KIRREL3: variants seen among roughly 807,000 people sequenced by gnomAD.
KIRREL3 encodes kirre like nephrin family adhesion molecule 3.
A neutral mutation model predicts 89.7 loss-of-function variants in KIRREL3; 36 were observed. The observed-to-expected ratio is 0.40, with a 90% CI of 0.31 to 0.53. KIRREL3 has a LOEUF of 0.53. Ranked by LOEUF, KIRREL3 falls within the 20% of genes least tolerant of loss-of-function variation. The pLI, the probability that KIRREL3 is intolerant of heterozygous loss-of-function variation, is 0.49. For missense variants in KIRREL3, 864 were observed against 1,056.6 expected, an observed-to-expected ratio of 0.82 and a Z score of 2.53; for synonymous variants, 445 against 441.4, an observed-to-expected ratio of 1.01 and a Z score of -0.10.
At position 126,752,931 on chromosome 11, in the gene KIRREL3, G is replaced by A. The variant is rs1012409769; in HGVS notation, c.56-190019C>T. 3.9e-5 allele frequency among the ~76,000 whole-genome samples: 6 copies of A among 152,140 alleles called. No individual in the cohort carries two copies. The highest frequency in any genetic ancestry group is 6.5e-5 in the Admixed American group (1 of 15,270). On this transcript the variant is annotated intron_variant, in intron 1 of 16. Coordinates refer to ENST00000525144, the MANE Select transcript of KIRREL3 (RefSeq NM_032531.4). The surrounding 1 kb of genome is among the most constrained non-coding windows in gnomAD (Gnocchi z 4.8). ...GTGGTAGCAGGCTGCCATGAACCCA[G>A]TTTTCTGAGCTCTTCCAGAATCTCT... is the stretch of plus-strand genomic sequence containing the variant.
rs1188235141 is a variant in KIRREL3, at chr11:126,432,548, AGGT to A, written c.1589-1025_1589-1023del. On this transcript the variant is annotated intron_variant, in intron 13 of 16. Transcript: ENST00000525144. The surrounding 1 kb of genome is among the most constrained non-coding windows in gnomAD (Gnocchi z 6.2). ...GGAGCTGCCCAGCCAGGGTCAATCC[AGGT>A]CTCCTCTCACTGCTCCCACCCCTCC... Among the ~76,000 whole-genome samples the A allele has an allele frequency of 3.9e-5, 6 of 152,068 alleles. No homozygotes were observed. The highest frequency in any genetic ancestry group is 3.9e-4 in the Admixed American group (6 of 15,274).
chr11:126,928,414 G>A (rs987615852), intron 1 of KIRREL3, among the ~76,000 whole-genome samples: 4 of 152,250 alleles, frequency 2.6e-5, no homozygotes, highest in African/African-American at 4.8e-5. Flanking sequence ...AATGGGCAGC[G>A]ATTCCCGGAC....
rs1023816208 is a variant in KIRREL3 at position 126,782,310 on chromosome 11, C to T, written c.55+218145G>A. On this transcript the variant is annotated intron_variant, in intron 1 of 16. Transcript: ENST00000525144. The surrounding 1 kb of genome is among the most constrained non-coding windows in gnomAD (Gnocchi z 4.1). ...AGGAATAATGCTTTGTTGTGCTAAGCTGAGATTTTTTGATGTTTATTTGTT... is the reference window on the plus strand; with the variant it reads ...AGGAATAATGCTTTGTTGTGCTAAGTTGAGATTTTTTGATGTTTATTTGTT... 6.6e-6 allele frequency among the ~76,000 whole-genome samples: 1 copy of T among 152,184 alleles called. No individual in the cohort carries two copies. Among genetic ancestry groups the T allele is most frequent in the Non-Finnish European group, 1.5e-5 (1 of 68,034 alleles).
At position 126,608,350 on chromosome 11, in the gene KIRREL3, T is replaced by C. The variant is rs576216024; in HGVS notation, c.56-45438A>G. On this transcript the variant is annotated intron_variant, in intron 1 of 16. Coordinates refer to ENST00000525144, the MANE Select transcript of KIRREL3 (RefSeq NM_032531.4). The surrounding 1 kb of genome is among the most constrained non-coding windows in gnomAD (Gnocchi z 4.9). ...TGCAGGCCCAACTTCTGACTTCCTG[T>C]GCGGGGGCTCCTCCTCTAGCCCCAG... 8.5e-5 allele frequency among the ~76,000 whole-genome samples: 13 copies of C among 152,314 alleles called. No homozygotes were observed. The South Asian group carries it at 2.5e-3, about 29-fold the overall frequency.
chr11:126,856,555 G>GTATATATATATATATATA (rs36218965), intron 1 of KIRREL3, among the ~76,000 whole-genome samples: 2 of 136,736 alleles, frequency 1.5e-5, no homozygotes, highest in Non-Finnish European at 1.6e-5. Context: ...ATTTTTCTAA[G>GTATATATATATATATATA]TATATATATA....
At chr11:126,425,774 A>T in intron 15 of KIRREL3, 50 bp from the exon 16 acceptor site, 1 of 1,396,684 alleles carries the variant, frequency 7.2e-7, no homozygotes, top group Non-Finnish European at 1.0e-6. Flanking sequence ...CTAAACCTCC[A>T]CTTCCCCCAA....
At position 127,000,665 on chromosome 11, in the gene KIRREL3, G is replaced by A. The variant is rs1950296682; in HGVS notation, c.-156C>T. 1.6e-6 allele frequency: 1 copy of A among 619,944 alleles called. No homozygotes were observed. The highest frequency in any genetic ancestry group is 2.8e-6 in the Non-Finnish European group (1 of 361,638). The allele number at this position is 619,944 out of a possible 1,614,324, so 38.4% of individuals were successfully genotyped here. On this transcript the variant is annotated 5_prime_UTR_variant, in exon 1 of 17. Transcript: ENST00000525144. This position sits in a 1 kb window ranked among gnomAD's most constrained non-coding sequence, Gnocchi z 7.1. ...CCCTCCGGGTGGCTTCGGTCTCTTT[G>A]TGCCTCTGGGTATCTGCAGCCAGCC...
At chr11:126,757,155 C>T (rs570228532) in intron 1 of KIRREL3, among the ~76,000 whole-genome samples, 28 of 152,206 alleles carry the variant, frequency 1.8e-4, no homozygotes, top group Non-Finnish European at 3.5e-4. Context: ...TTCATGGAGA[C>T]TAATGTGGCA....
In KIRREL3 at chr11:126,636,453, G is replaced by A. The variant is rs1033833074; in HGVS notation, c.56-73541C>T. On this transcript the variant is annotated intron_variant, in intron 1 of 16. Transcript: ENST00000525144. The surrounding 1 kb of genome is among the most constrained non-coding windows in gnomAD (Gnocchi z 4.4). The stretch of plus-strand genomic sequence containing the variant: ...TGAGAGTCTGTGATGCCCAAACCTT[G>A]GAATTAACCCTGATAGAAAAAAGGC... Among the ~76,000 whole-genome samples the A allele has an allele frequency of 1.2e-4, 18 of 152,082 alleles. No homozygotes were observed. Among genetic ancestry groups the A allele is most frequent in the Non-Finnish European group, 2.5e-4 (17 of 68,026 alleles).
rs559829517 is a variant in KIRREL3, at chr11:126,687,874, C to T, written c.56-124962G>A. On this transcript the variant is annotated intron_variant, in intron 1 of 16. Coordinates refer to ENST00000525144, the MANE Select transcript of KIRREL3 (RefSeq NM_032531.4). This position sits in a 1 kb window ranked among gnomAD's most constrained non-coding sequence, Gnocchi z 4.6. Reference sequence around the variant, plus strand: ...CCTGTGCAAGGCACAGGCTCCACTGCCAGCGAGGGAGAAAGCCCTCCTAGG... The same window carrying T: ...CCTGTGCAAGGCACAGGCTCCACTGTCAGCGAGGGAGAAAGCCCTCCTAGG... Among the ~76,000 whole-genome samples, 1 of 152,294 alleles carries T rather than the reference C, an allele frequency of 6.6e-6. No homozygotes were observed. The highest frequency in any genetic ancestry group is 2.4e-5 in the African/African-American group (1 of 41,550).
chr11:126,876,462 T>C lies in KIRREL3; in HGVS notation c.55+123993A>G, dbSNP rs1470927218. Among the ~76,000 whole-genome samples the C allele has an allele frequency of 6.6e-6, 1 of 152,026 alleles. No homozygotes were observed. The highest frequency in any genetic ancestry group is 1.5e-5 in the Non-Finnish European group (1 of 68,020). On this transcript the variant is annotated intron_variant, in intron 1 of 16. Coordinates refer to ENST00000525144, the MANE Select transcript of KIRREL3 (RefSeq NM_032531.4). This position sits in a 1 kb window ranked among gnomAD's most constrained non-coding sequence, Gnocchi z 4.1. ...ACATAGCTGGCAAGTGGGGACACACTGTGCTATCCCTGCTCACTGTTGCAC... is the reference window on the plus strand; with the variant it reads ...ACATAGCTGGCAAGTGGGGACACACCGTGCTATCCCTGCTCACTGTTGCAC...
intron 1 of KIRREL3, among the ~76,000 whole-genome samples, chr11:126,846,750 G>A (rs949470939): frequency 6.6e-6 from 1 of 152,140 alleles, no homozygotes; most frequent in Non-Finnish European, 1.5e-5. Context: ...AAGATTATAA[G>A]AAGCTGTGAG....
At chr11:126,863,599 G>A (rs567171658) in intron 1 of KIRREL3, among the ~76,000 whole-genome samples, 7 of 89,338 alleles carry the variant, frequency 7.8e-5, no homozygotes, top group East Asian at 9.1e-4. Flanking sequence ...GTTTGAGTGC[G>A]TGTGTGTTTG....
intron 4 of KIRREL3, among the ~76,000 whole-genome samples, chr11:126,517,009 G>A (rs1417059709): frequency 1.3e-5 from 2 of 152,096 alleles, no homozygotes; most frequent in African/African-American, 2.4e-5. Flanking sequence ...CGGAGGTTGC[G>A]GTGAGCTGAG....
chr11:126,923,547 G>T (rs1268828612), intron 1 of KIRREL3, among the ~76,000 whole-genome samples: 1 of 149,382 alleles, frequency 6.7e-6, no homozygotes, highest in Non-Finnish European at 1.5e-5. Context: ...GGGTTCAAGT[G>T]ATTCTCCTGC....
intron 1 of KIRREL3, among the ~76,000 whole-genome samples, chr11:126,767,898 T>C (rs2134287304): frequency 6.6e-6 from 1 of 152,332 alleles, no homozygotes; most frequent in South Asian, 2.1e-4. Flanking sequence ...CAGAAGCCAG[T>C]GCAAGGCAAG....
rs895152838 is a variant in KIRREL3 at position 126,668,258 on chromosome 11, C to T, written c.56-105346G>A. Among the ~76,000 whole-genome samples the T allele has an allele frequency of 6.6e-6, 1 of 152,126 alleles. No homozygotes were observed. Among genetic ancestry groups the T allele is most frequent in the African/African-American group, 2.4e-5 (1 of 41,424 alleles). On this transcript the variant is annotated intron_variant, in intron 1 of 16. Transcript: ENST00000525144. This position sits in a 1 kb window ranked among gnomAD's most constrained non-coding sequence, Gnocchi z 4.4. ...CTGTGTCCTTACATCGTGGAAGGGACAAGAGGCCTTTCTTGGACATCTTTC... is the reference window on the plus strand; with the variant it reads ...CTGTGTCCTTACATCGTGGAAGGGATAAGAGGCCTTTCTTGGACATCTTTC...
chr11:126,714,506 G>A (rs1056633272), intron 1 of KIRREL3, among the ~76,000 whole-genome samples: 2 of 152,208 alleles, frequency 1.3e-5, no homozygotes, highest in Non-Finnish European at 2.9e-5. Flanking sequence ...TTGGGAACAT[G>A]CTCATTCTGT....
chr11:126,984,908 G>A (rs1022495167), intron 1 of KIRREL3, among the ~76,000 whole-genome samples: 22 of 152,142 alleles, frequency 1.4e-4, no homozygotes, highest in Admixed American at 1.4e-3. Flanking sequence ...GAACTCCTGG[G>A]TTTTCATTTT....
Sources: gnomAD v4.1 joint callset for allele counts (sites outside exome capture counted in the v4.1 genomes callset) on GRCh38, gnomAD v4.1.1 for gene constraint, Gnocchi (gnomAD v3.1) non-coding constraint, MANE v1.5 for transcripts, NCBI Gene and HGNC (gene_info 2026-07-23, HGNC 2026-07-21) for gene names.